The following TMEM132E variants were observed in gnomAD, a reference collection of about 807,000 sequenced individuals.
TMEM132E encodes transmembrane protein 132E.
Under a neutral mutation model 78.5 loss-of-function variants are expected in TMEM132E, and 49 were observed. That is an observed-to-expected ratio of 0.62 (90% CI 0.50 to 0.79). The LOEUF is 0.79. Among genes scored for constraint, TMEM132E ranks in the 30% least tolerant of loss-of-function variants. TMEM132E has a pLI of 0.00. For missense variants in TMEM132E, 1,403 were observed against 1,470.9 expected (o/e 0.95, Z 0.75); for synonymous variants, 715 against 670.6 (o/e 1.07, Z -1.02).
chr17:34,621,690 G>A (rs565712036), intron 1 of TMEM132E, among the ~76,000 whole-genome samples: 3 of 152,304 alleles, frequency 2.0e-5, no homozygotes, highest in South Asian at 4.1e-4. Flanking sequence ...AAACTGGTCT[G>A]CAGGGCAAGC....
At chr17:34,633,144 G>A (rs1375407337) in intron 6 of TMEM132E, among the ~76,000 whole-genome samples, 2 of 152,254 alleles carry the variant, frequency 1.3e-5, no homozygotes, top group Admixed American at 1.3e-4. Flanking sequence ...GTCCAGCAGG[G>A]GAGGAAGGCA....
In TMEM132E at chr17:34,634,974, G is replaced by T; in HGVS notation, c.1864G>T (p.Val622Leu). Reference sequence around the variant, plus strand: ...CACCATGTTAGGCCCGGACTGGCTGGTGGAGGTCACCGACCTAGTCAGTGA... The same window carrying T: ...CACCATGTTAGGCCCGGACTGGCTGTTGGAGGTCACCGACCTAGTCAGTGA... ...VVTMLGPDWL[V>L]EVTDLVSDFM... The change falls in exon 7 of 9, where the codon GTG becomes TTG. Residue 622 changes from valine (V) to leucine (L), a missense_variant. Transcript: ENST00000631683. 6.2e-7 allele frequency: 1 copy of T among 1,614,174 alleles called. No individual in the cohort carries two copies. Among genetic ancestry groups the T allele is most frequent in the South Asian group, 1.1e-5 (1 of 91,080 alleles).
chr17:34,581,151 T>C lies in TMEM132E; in HGVS notation c.67+8T>C. On this transcript the variant is annotated splice_region_variant and intron_variant, in intron 1 of 8. Transcript: ENST00000631683. ...CAGCGCTACTCGCCCACGGTAAGTG[T>C]CGCGGCGCGGACTGGGGGTGAGGAT... is the stretch of plus-strand genomic sequence containing the variant. 1.3e-6 allele frequency: 2 copies of C among 1,507,822 alleles called. No homozygotes were observed. Among genetic ancestry groups the C allele is most frequent in the Non-Finnish European group, 1.8e-6 (2 of 1,132,778 alleles). The allele number at this position is 1,507,822 out of a possible 1,614,324, so 93.4% of individuals were successfully genotyped here.
At chr17:34,582,197 G>T (rs1194575841) in intron 1 of TMEM132E, among the ~76,000 whole-genome samples, 1 of 151,632 alleles carries the variant, frequency 6.6e-6, no homozygotes, top group Middle Eastern at 3.2e-3. Context: ...TGAGGGGTGA[G>T]CCTCAGGCAG....
chr17:34,600,259 T>A (rs1906193007), intron 1 of TMEM132E, among the ~76,000 whole-genome samples: 2 of 152,188 alleles, frequency 1.3e-5, no homozygotes, highest in South Asian at 4.1e-4. Flanking sequence ...CTCTGTTTGG[T>A]GGGCTAACCT....
chr17:34,626,925 G>A lies in TMEM132E; in HGVS notation c.866G>A (p.Arg289Lys), dbSNP rs757473350. The A allele has an allele frequency of 3.7e-6, 6 of 1,613,738 alleles. No individual in the cohort carries two copies. The highest frequency in any genetic ancestry group is 1.7e-5 in the Admixed American group (1 of 60,030). Residue 289 changes from arginine (R) to lysine (K), a missense_variant, in exon 2 of 9, where the codon AGG (arginine) becomes AAG (lysine). By Grantham distance (26) the Arg-to-Lys change is conservative. This residue lies in a region of TMEM132E where 511 missense variants were observed against 499.0 expected (regional missense o/e 1.02). Transcript: ENST00000631683. Reference protein sequence around the residue: ...PPPRRTLQEHRLDSNLMIRLP... With the variant: ...PPPRRTLQEHKLDSNLMIRLP... ...CCCAGGAGGACCCTGCAGGAGCACAGGCTGGACAGCAACCTGATGATCCGC... is the reference window on the plus strand; with the variant it reads ...CCCAGGAGGACCCTGCAGGAGCACAAGCTGGACAGCAACCTGATGATCCGC...
At position 34,636,063 on chromosome 17, in the gene TMEM132E, G is replaced by C; in HGVS notation, c.2034G>C (p.Glu678Asp). ...GGGAGACGCTGCTGACGGTGACTGA[G>C]GAGAAGGTCAGCATCACACAGCTTC... ...VLGETLLTVT[E>D]EKVSITQLQA... Residue 678 changes from glutamate to aspartate, a missense_variant, in exon 8 of 9, where the codon GAG (glutamate) becomes GAC (aspartate). By Grantham distance (45) the Glu-to-Asp change is conservative. Coordinates refer to ENST00000631683, the MANE Select transcript of TMEM132E (RefSeq NM_001304438.2). The C allele has an allele frequency of 6.3e-7, 1 of 1,582,724 alleles. No homozygotes were observed. The highest frequency in any genetic ancestry group is 8.6e-7 in the Non-Finnish European group (1 of 1,166,114).
intron 5 of TMEM132E, among the ~76,000 whole-genome samples, chr17:34,630,445 T>A (rs901682093): frequency 1.3e-5 from 2 of 152,194 alleles, no homozygotes; most frequent in Non-Finnish European, 2.9e-5. Flanking sequence ...TGGCCAGTCC[T>A]GGAGGGCTTC....
chr17:34,638,285 G>A lies in TMEM132E; in HGVS notation c.*53G>A, dbSNP rs916551884. 6.8e-7 allele frequency: 1 copy of A among 1,460,304 alleles called. No individual in the cohort carries two copies. The highest frequency in any genetic ancestry group is 1.4e-5 in the South Asian group (1 of 70,058). 90.5% of individuals were successfully genotyped at this position (1,460,304 alleles called of 1,614,324 possible). ...CCCCCCCCAACGGGGTCAGCTCGGG[G>A]TAGGACACAGCCGGGACCCCGGTTC... is the stretch of plus-strand genomic sequence containing the variant. On this transcript the variant is annotated 3_prime_UTR_variant, in exon 9 of 9. Transcript: ENST00000631683.
rs1905449637 is a variant in TMEM132E at position 34,580,955 on chromosome 17, G to A, written c.-122G>A. 1 of 686,448 alleles carries A rather than the reference G, an allele frequency of 1.5e-6. No individual in the cohort carries two copies. Among genetic ancestry groups the A allele is most frequent in the Non-Finnish European group, 2.3e-6 (1 of 431,562 alleles). 42.5% of individuals were successfully genotyped at this position (686,448 alleles called of 1,614,324 possible). A position where few individuals can be genotyped will look rare whatever the true frequency, so the allele number is the denominator to read the frequency against. ...CCCCGAATTGCACTCTCTGGTCCCG[G>A]AGCTGCATCTGAGACAGCCGGGCGC... On this transcript the variant is annotated 5_prime_UTR_variant, in exon 1 of 9. Transcript: ENST00000631683.
chr17:34,603,390 G>A (rs953578997), intron 1 of TMEM132E, among the ~76,000 whole-genome samples: 7 of 152,140 alleles, frequency 4.6e-5, no homozygotes, highest in African/African-American at 1.4e-4. Context: ...AAACTGAGGC[G>A]AGATGGCTCC....
At chr17:34,613,211 A>ACACACACAAACGCG in intron 1 of TMEM132E, among the ~76,000 whole-genome samples, 2 of 115,856 alleles carry the variant, frequency 1.7e-5, no homozygotes, top group Non-Finnish European at 1.8e-5. Flanking sequence ...ACACACACAC[A>ACACACACAAACGCG]CGCGCGCGCG....
intron 1 of TMEM132E, among the ~76,000 whole-genome samples, chr17:34,598,942 C>G (rs1166292813): frequency 6.6e-6 from 1 of 152,198 alleles, no homozygotes; most frequent in Non-Finnish European, 1.5e-5. Flanking sequence ...GACCCTGGCC[C>G]CCAGCCTCAG....
At chr17:34,606,255 G>A (rs536275486) in intron 1 of TMEM132E, among the ~76,000 whole-genome samples, 1 of 152,336 alleles carries the variant, frequency 6.6e-6, no homozygotes, top group African/African-American at 2.4e-5. Flanking sequence ...GCTGAGGCAG[G>A]AGAATCGCTT....
intron 5 of TMEM132E, among the ~76,000 whole-genome samples, chr17:34,630,591 A>G (rs1156719683): frequency 6.6e-6 from 1 of 152,270 alleles, no homozygotes; most frequent in South Asian, 2.1e-4. Context: ...TGGGTGAGGG[A>G]GACAACCCCT....
chr17:34,597,776 C>A (rs1323201114), intron 1 of TMEM132E, among the ~76,000 whole-genome samples: 1 of 152,164 alleles, frequency 6.6e-6, no homozygotes, highest in South Asian at 2.1e-4. Flanking sequence ...GCCTGGCCCA[C>A]CTTTCCATCC....
chr17:34,591,231 C>G (rs563916118), intron 1 of TMEM132E, among the ~76,000 whole-genome samples: 1 of 152,184 alleles, frequency 6.6e-6, no homozygotes, highest in East Asian at 1.9e-4. Context: ...ACAGGAGCAT[C>G]CTTACGGTCC....
Position 34,626,343 on chromosome 17 carries a change from G to T in TMEM132E, c.284G>T (p.Gly95Val). The part of the protein sequence containing the change: ...KELPVLNVSL[G>V]PFSTSQVVAR... ...CTGCCGGTCCTCAACGTCTCTCTGG[G>T]GCCCTTCAGCACCAGCCAGGTGGTG... The change falls in exon 2 of 9, where the codon GGG becomes GTG. Residue 95 changes from glycine (G) to valine (V), a missense_variant. By Grantham distance (109) the Gly-to-Val change is moderately radical. Transcript: ENST00000631683. The T allele has an allele frequency of 6.2e-7, 1 of 1,613,050 alleles. No individual in the cohort carries two copies. The highest frequency in any genetic ancestry group is 8.5e-7 in the Non-Finnish European group (1 of 1,179,654).
At position 34,637,167 on chromosome 17, in the gene TMEM132E, TCTC is replaced by T. The variant is rs756200584; in HGVS notation, c.2170-5_2170-3del. ...TTGACTCCTATCCCCTCCTTCTCCT[TCTC>T]CTCCAGGAAGCCCTACTGAGCCTCT... On this transcript the variant is annotated splice_region_variant and splice_polypyrimidine_tract_variant and intron_variant, in intron 8 of 8. Coordinates refer to ENST00000631683, the MANE Select transcript of TMEM132E (RefSeq NM_001304438.2). 8 of 1,589,166 alleles carry T rather than the reference TCTC, an allele frequency of 5.0e-6. No homozygotes were observed. The highest frequency in any genetic ancestry group is 4.5e-5 in the East Asian group (2 of 44,372).
Sources: allele counts gnomAD v4.1 joint callset (sites outside exome capture counted in the v4.1 genomes callset), GRCh38; gene constraint gnomAD v4.1.1; regional missense constraint gnomAD v4.1.1; transcripts MANE v1.5; gene names NCBI Gene and HGNC (gene_info 2026-07-23, HGNC 2026-07-21).